The following KCNIP1 variants were observed in gnomAD, a reference collection of about 807,000 sequenced individuals.
The protein encoded by KCNIP1 is A-type potassium channel modulatory protein KCNIP1.
KCNIP1 carries 18 observed loss-of-function variants against 33.0 expected under a neutral mutation model. The ratio of observed to expected loss-of-function variants is 0.55; its 90% CI spans 0.38 to 0.81. KCNIP1 has a LOEUF of 0.81. Ranked by LOEUF, KCNIP1 falls within the 30% of genes least tolerant of loss-of-function variation. The pLI is 0.00. For missense variants in KCNIP1, 238 were observed against 271.6 expected (o/e 0.88, Z 0.87); for synonymous variants, 93 against 98.3 (o/e 0.95, Z 0.32).
intron 1 of KCNIP1, among the ~76,000 whole-genome samples, chr5:170,700,006 G>C (rs762040947): frequency 1.1e-4 from 16 of 152,070 alleles, no homozygotes; most frequent in Admixed American, 3.9e-4. Context: ...CTGTTAACAT[G>C]GGTTCCCAGC....
chr5:170,480,291 A>T (rs930980465), intron 1 of KCNIP1, among the ~76,000 whole-genome samples: 2 of 152,244 alleles, frequency 1.3e-5, no homozygotes, highest in Admixed American at 1.3e-4. Context: ...AAAGAAAAAT[A>T]ATCTCAGGCC....
At chr5:170,591,871 T>C (rs1175315507) in intron 1 of KCNIP1, among the ~76,000 whole-genome samples, 1 of 152,210 alleles carries the variant, frequency 6.6e-6, no homozygotes, top group African/African-American at 2.4e-5. Context: ...TGCATCCACC[T>C]TTTTTTGCTA....
chr5:170,364,246 T>C (rs1167652574), intron 1 of KCNIP1, among the ~76,000 whole-genome samples: 2 of 152,202 alleles, frequency 1.3e-5, no homozygotes, highest in Admixed American at 6.5e-5. Context: ...GCTCAAGTGA[T>C]TGGCCCACCT....
chr5:170,724,472 A>G (rs376121584), intron 5 of KCNIP1, among the ~76,000 whole-genome samples: 1 of 152,114 alleles, frequency 6.6e-6, no homozygotes, highest in East Asian at 1.9e-4. Flanking sequence ...GGTTGGTTTA[A>G]CATTCAAAAA....
Position 170,489,381 on chromosome 5 carries a change from T to G in KCNIP1, c.88+135417T>G, listed in dbSNP as rs1757160242. ...CGCTAGACTTTGGCCAGGGCTGTCC[T>G]GCAGGTAAGGGCCTCGTGCAGGAGG... On this transcript the variant is annotated intron_variant, in intron 1 of 7. Coordinates refer to the KCNIP1 transcript ENST00000377360. This position sits in a 1 kb window ranked among gnomAD's most constrained non-coding sequence, Gnocchi z 4.3. Among the ~76,000 whole-genome samples the G allele has an allele frequency of 6.6e-6, 1 of 152,220 alleles. No individual in the cohort carries two copies. Among genetic ancestry groups the G allele is most frequent in the South Asian group, 2.1e-4 (1 of 4,830 alleles).
chr5:170,566,625 T>C (rs1757214712), intron 1 of KCNIP1, among the ~76,000 whole-genome samples: 1 of 152,130 alleles, frequency 6.6e-6, no homozygotes, highest in African/African-American at 2.4e-5. Context: ...GTAGTCTACA[T>C]TGATAGATGT....
At chr5:170,589,155 A>G (rs112362490) in intron 1 of KCNIP1, among the ~76,000 whole-genome samples, 13,167 of 151,800 alleles carry the variant, frequency 0.087, 641 homozygotes, top group South Asian at 0.12. Context: ...CTGCCACCAT[A>G]CCTGGCTAAC....
rs530889090 is a variant in KCNIP1, at chr5:170,710,427, T to C, written c.62-8331T>C. Among the ~76,000 whole-genome samples the C allele has an allele frequency of 2.0e-5, 3 of 152,376 alleles. No homozygotes were observed. The East Asian group carries it at 5.8e-4, about 29-fold the overall frequency. The stretch of plus-strand genomic sequence containing the variant: ...TCACCATTATTTTAAAGCCCAGATA[T>C]GATTAATCCAATTATCTAGATCAGC... On this transcript the variant is annotated intron_variant, in intron 1 of 7. Transcript: ENST00000328939.
chr5:170,366,842 C>G (rs1255499294), intron 1 of KCNIP1, among the ~76,000 whole-genome samples: 1 of 152,172 alleles, frequency 6.6e-6, no homozygotes, highest in African/African-American at 2.4e-5. Flanking sequence ...TAGACTAAGC[C>G]CAAGCAAGAC....
chr5:170,573,822 C>G (rs1757502143), intron 1 of KCNIP1, among the ~76,000 whole-genome samples: 1 of 152,152 alleles, frequency 6.6e-6, no homozygotes, highest in South Asian at 2.1e-4. Context: ...GCCCATAGAG[C>G]CATAAATATT....
rs34331045 is a variant in KCNIP1, at chr5:170,707,158, CAAAA to C, written c.62-11583_62-11580del. Among the ~76,000 whole-genome samples, 834 of 125,510 alleles carry C rather than the reference CAAAA, an allele frequency of 6.6e-3. 4 individuals carry two copies. The highest frequency in any genetic ancestry group is 0.027 in the East Asian group (126 of 4,692). The allele number at this position is 125,510 out of a possible 152,430, so 82.3% of individuals were successfully genotyped here. A position where few individuals can be genotyped will look rare whatever the true frequency, so the allele number is the denominator to read the frequency against. Reference sequence around the variant, plus strand: ...TGCTGGAACTACCTAAGTAAATCATCAAAAAAAAAAAAAAAAAAAATCATCCCAG... The same window carrying C: ...TGCTGGAACTACCTAAGTAAATCATCAAAAAAAAAAAAAAAATCATCCCAG... On this transcript the variant is annotated intron_variant, in intron 1 of 7. Transcript: ENST00000328939.
chr5:170,721,642 C>A, intron 3 of KCNIP1, 191 bp from the exon 4 acceptor site: 3 of 1,183,424 alleles, frequency 2.5e-6, no homozygotes, highest in South Asian at 1.4e-5. Context: ...GCTCATCTCA[C>A]TTTTTGCTAG....
At chr5:170,555,255 G>A (rs190673344) in intron 1 of KCNIP1, among the ~76,000 whole-genome samples, 190 of 152,228 alleles carry the variant, frequency 1.2e-3, no homozygotes, top group Admixed American at 3.1e-3. Flanking sequence ...ATTTCAGAGC[G>A]CTTGCTGCAT....
rs565304351 is a variant in KCNIP1 at position 170,554,992 on chromosome 5, C to T, written c.61+50359C>T. 2.2e-4 allele frequency among the ~76,000 whole-genome samples: 33 copies of T among 152,284 alleles called. 1 individual carries two copies. The highest frequency in any genetic ancestry group is 2.0e-3 in the Admixed American group (30 of 15,300). ...CCAGGGGATTTGAGAAGCTGGCTGGCGAGGAATGGGCTCTATCTCCATATC... is the reference window on the plus strand; with the variant it reads ...CCAGGGGATTTGAGAAGCTGGCTGGTGAGGAATGGGCTCTATCTCCATATC... On this transcript the variant is annotated intron_variant, in intron 1 of 7. Coordinates refer to ENST00000328939, the MANE Select transcript of KCNIP1 (RefSeq NM_014592.4).
chr5:170,463,785 C>G (rs1384066693), intron 1 of KCNIP1, among the ~76,000 whole-genome samples: 1 of 152,106 alleles, frequency 6.6e-6, no homozygotes, highest in Non-Finnish European at 1.5e-5. Context: ...GCTCTCAGCA[C>G]TTTTATTAAA....
chr5:170,415,530 A>ACATGC (rs149472325), intron 1 of KCNIP1, among the ~76,000 whole-genome samples: 2,662 of 152,228 alleles, frequency 0.017, 34 homozygotes, highest in South Asian at 0.052. Flanking sequence ...CTCCCCGGGG[A>ACATGC]ACATGGCTGG....
intron 1 of KCNIP1, among the ~76,000 whole-genome samples, chr5:170,433,553 T>C (rs1755791972): frequency 6.6e-6 from 1 of 152,136 alleles, no homozygotes; most frequent in Non-Finnish European, 1.5e-5. Flanking sequence ...AATCCAAAGC[T>C]CATATACTCT....
At chr5:170,695,796 G>A (rs1762869640) in intron 1 of KCNIP1, among the ~76,000 whole-genome samples, 1 of 152,166 alleles carries the variant, frequency 6.6e-6, no homozygotes, top group Non-Finnish European at 1.5e-5. Context: ...CAAGGCGGGT[G>A]GATCATGAGG....
At chr5:170,631,509 G>T (rs545825656) in intron 1 of KCNIP1, among the ~76,000 whole-genome samples, 1 of 152,126 alleles carries the variant, frequency 6.6e-6, no homozygotes, top group Non-Finnish European at 1.5e-5. Context: ...AGAGCAGGAG[G>T]CAAAAGAAAC....
Sources: allele counts gnomAD v4.1 joint callset (sites outside exome capture counted in the v4.1 genomes callset), GRCh38; gene constraint gnomAD v4.1.1; non-coding constraint Gnocchi (gnomAD v3.1); transcripts MANE v1.5; gene names NCBI Gene and HGNC (gene_info 2026-07-23, HGNC 2026-07-21).